The following DERA variants were observed in gnomAD, a reference collection of about 807,000 sequenced individuals.
DERA encodes deoxyribose-phosphate aldolase, also known as 2-deoxy-D-ribose 5-phosphate aldolase.
DERA carries 15 observed loss-of-function variants against 41.1 expected under a neutral mutation model. The observed-to-expected ratio is 0.37, with a 90% CI of 0.24 to 0.56. The LOEUF (loss-of-function observed/expected upper bound fraction) is 0.56. Ranked by LOEUF, DERA falls within the 20% of genes least tolerant of loss-of-function variation. The pLI is 0.81. For missense variants in DERA, 396 were observed against 403.4 expected (o/e 0.98, Z 0.16); for synonymous variants, 139 against 137.4 (o/e 1.01, Z -0.08).
chr12:16,033,129 T>G (rs1420348973), intron 7 of DERA: 1 of 153,272 alleles, frequency 6.5e-6, no homozygotes, highest in Non-Finnish European at 1.5e-5. Flanking sequence ...TGGGAAACAA[T>G]CTTTTCCTGT....
At chr12:15,923,078 A>G (rs1267829198) in intron 1 of DERA, among the ~76,000 whole-genome samples, 6 of 128,580 alleles carry the variant, frequency 4.7e-5, no homozygotes, top group African/African-American at 1.5e-4. Context: ...GCTGGAGTGC[A>G]GTGGCGCGAT....
intron 6 of DERA, among the ~76,000 whole-genome samples, chr12:15,997,717 T>C (rs1189262444): frequency 6.6e-6 from 1 of 152,196 alleles, no homozygotes; most frequent in African/African-American, 2.4e-5. Flanking sequence ...ATATGTAACG[T>C]TTAGTCTGCC....
intron 1 of DERA, among the ~76,000 whole-genome samples, chr12:15,930,008 T>C (rs2136129761): frequency 6.6e-6 from 1 of 152,270 alleles, no homozygotes; most frequent in East Asian, 1.9e-4. Context: ...TTGAGTTTTG[T>C]AAGTAAAAAA....
At position 15,999,528 on chromosome 12, in the gene DERA, T is replaced by C. The variant is rs1313932868; in HGVS notation, c.637+17092T>C. ...TTGTATAGAAGTTGTTAGGTGCAGA[T>C]ACAGAGAAAGGCATTTTGGGCTGAG... On this transcript the variant is annotated intron_variant, in intron 6 of 8. Coordinates refer to ENST00000428559, the MANE Select transcript of DERA (RefSeq NM_015954.4). The surrounding 1 kb of genome is among the most constrained non-coding windows in gnomAD (Gnocchi z 5.3). Among the ~76,000 whole-genome samples the C allele has an allele frequency of 6.6e-6, 1 of 152,172 alleles. No homozygotes were observed. The highest frequency in any genetic ancestry group is 1.5e-5 in the Non-Finnish European group (1 of 68,044).
intron 6 of DERA, among the ~76,000 whole-genome samples, chr12:16,002,076 T>C (rs920924860): frequency 7.0e-4 from 106 of 152,182 alleles, no homozygotes; most frequent in African/African-American, 2.2e-3. Context: ...GTTGGTGTGC[T>C]GCACCCATTA....
Position 15,976,863 on chromosome 12 carries a change from C to T in DERA, c.509-5445C>T, listed in dbSNP as rs1415418598. On this transcript the variant is annotated intron_variant, in intron 5 of 8. Coordinates refer to ENST00000428559, the MANE Select transcript of DERA (RefSeq NM_015954.4). The surrounding 1 kb of genome is among the most constrained non-coding windows in gnomAD (Gnocchi z 4.1). ...TTTCCCAAGTAACACCACTAATCAG[C>T]GGCCAAGCAAGGGCTGAGAAGTCCT... 6.6e-6 allele frequency among the ~76,000 whole-genome samples: 1 copy of T among 152,106 alleles called. No individual in the cohort carries two copies. Among genetic ancestry groups the T allele is most frequent in the Admixed American group, 6.5e-5 (1 of 15,270 alleles).
chr12:15,978,027 A>G (rs1237836575), intron 5 of DERA, among the ~76,000 whole-genome samples: 1 of 152,170 alleles, frequency 6.6e-6, no homozygotes, highest in East Asian at 1.9e-4. Flanking sequence ...GTCCTTTCCT[A>G]CCAACATAGG....
chr12:16,010,954 T>C lies in DERA; in HGVS notation c.638-21588T>C, dbSNP rs1410873614. The stretch of plus-strand genomic sequence containing the variant: ...AGGTATGATAATCTCAAATACGTTC[T>C]GCATTGTTTTTAAAAGCTTTGTGTT... On this transcript the variant is annotated intron_variant, in intron 6 of 8. Coordinates refer to ENST00000428559, the MANE Select transcript of DERA (RefSeq NM_015954.4). This position sits in a 1 kb window ranked among gnomAD's most constrained non-coding sequence, Gnocchi z 5.5. Among the ~76,000 whole-genome samples the C allele has an allele frequency of 2.6e-5, 4 of 152,130 alleles. No homozygotes were observed. The highest frequency in any genetic ancestry group is 4.4e-5 in the Non-Finnish European group (3 of 68,044).
rs976289334 is a variant in DERA, at chr12:16,008,745, G to A, written c.638-23797G>A. 6.6e-6 allele frequency among the ~76,000 whole-genome samples: 1 copy of A among 152,138 alleles called. No individual in the cohort carries two copies. Among genetic ancestry groups the A allele is most frequent in the African/African-American group, 2.4e-5 (1 of 41,430 alleles). ...TGGGGCCGCTCTTGGCATTTCTCTC[G>A]TGGTTACAAGATGGCTGCCACAGCT... On this transcript the variant is annotated intron_variant, in intron 6 of 8. Coordinates refer to ENST00000428559, the MANE Select transcript of DERA (RefSeq NM_015954.4). The surrounding 1 kb of genome is among the most constrained non-coding windows in gnomAD (Gnocchi z 4.8).
Position 15,938,183 on chromosome 12 carries a change from G to A in DERA, c.32-18753G>A, listed in dbSNP as rs934634111. 6.6e-6 allele frequency among the ~76,000 whole-genome samples: 1 copy of A among 152,212 alleles called. No individual in the cohort carries two copies. Among genetic ancestry groups the A allele is most frequent in the African/African-American group, 2.4e-5 (1 of 41,460 alleles). On this transcript the variant is annotated intron_variant, in intron 1 of 8. Coordinates refer to ENST00000428559, the MANE Select transcript of DERA (RefSeq NM_015954.4). The surrounding 1 kb of genome is among the most constrained non-coding windows in gnomAD (Gnocchi z 4.1). Reference sequence around the variant, plus strand: ...AAGACTTAGTGGTTGAGGAGCTGGAGAAAGTTGCTCAGAAATGACATTGAC... The same window carrying A: ...AAGACTTAGTGGTTGAGGAGCTGGAAAAAGTTGCTCAGAAATGACATTGAC...
In DERA at chr12:16,030,781, T is replaced by A. The variant is rs186603288; in HGVS notation, c.638-1761T>A. 4.4e-3 allele frequency among the ~76,000 whole-genome samples: 665 copies of A among 152,358 alleles called. 4 individuals carry two copies. The highest frequency in any genetic ancestry group is 6.3e-3 in the Non-Finnish European group (428 of 68,040). On this transcript the variant is annotated intron_variant, in intron 6 of 8. Transcript: ENST00000428559. ...AACACCTGCTCACAAAGGCAGGAAC[T>A]TTTTGTTCATTGGTTGCTCTATTCC...
chr12:15,922,743 C>A lies in DERA; in HGVS notation c.31+11329C>A, dbSNP rs1315179457. 2.0e-5 allele frequency among the ~76,000 whole-genome samples: 3 copies of A among 152,136 alleles called. No individual in the cohort carries two copies. Among genetic ancestry groups the A allele is most frequent in the Admixed American group, 2.0e-4 (3 of 15,274 alleles). ...AGGATACAGGATTGGGACCCAGGCA[C>A]TTTAGTTGTAGACCTGATAGCATCT... On this transcript the variant is annotated intron_variant, in intron 1 of 8. Coordinates refer to ENST00000428559, the MANE Select transcript of DERA (RefSeq NM_015954.4). This position sits in a 1 kb window ranked among gnomAD's most constrained non-coding sequence, Gnocchi z 4.9.
In DERA at chr12:15,962,956, A is replaced by C; in HGVS notation, c.508+9A>C. 6.2e-7 allele frequency: 1 copy of C among 1,603,972 alleles called. No homozygotes were observed. The highest frequency in any genetic ancestry group is 8.5e-7 in the Non-Finnish European group (1 of 1,175,166). On this transcript the variant is annotated intron_variant, in intron 5 of 8. Coordinates refer to ENST00000428559, the MANE Select transcript of DERA (RefSeq NM_015954.4). Reference sequence around the variant, plus strand: ...GACAGGCCAGTGGGAAGGTAGGTGCATGCTTTTACCTAAGAGAGTTTCACC... The same window carrying C: ...GACAGGCCAGTGGGAAGGTAGGTGCCTGCTTTTACCTAAGAGAGTTTCACC...
Position 15,915,094 on chromosome 12 carries a change from G to C in DERA, c.31+3680G>C, listed in dbSNP as rs1308016292. ...CTAGGCTGGGGGTACAAGATAATCA[G>C]GGATGGTCACTGCCTTCACAGAGCT... is the stretch of plus-strand genomic sequence containing the variant. On this transcript the variant is annotated intron_variant, in intron 1 of 8. Transcript: ENST00000428559. This position sits in a 1 kb window ranked among gnomAD's most constrained non-coding sequence, Gnocchi z 4.8. Among the ~76,000 whole-genome samples the C allele has an allele frequency of 6.6e-6, 1 of 152,196 alleles. No homozygotes were observed. Among genetic ancestry groups the C allele is most frequent in the Non-Finnish European group, 1.5e-5 (1 of 68,028 alleles).
At chr12:15,962,428 C>CA (rs1948593965) in intron 4 of DERA, among the ~76,000 whole-genome samples, 1 of 152,152 alleles carries the variant, frequency 6.6e-6, no homozygotes, top group Admixed American at 6.5e-5. Flanking sequence ...GATTTGGACC[C>CA]AGAACTAGTG....
Position 15,940,642 on chromosome 12 carries a change from C to T in DERA, c.32-16294C>T, listed in dbSNP as rs2136136035. On this transcript the variant is annotated intron_variant, in intron 1 of 8. Transcript: ENST00000428559. The surrounding 1 kb of genome is among the most constrained non-coding windows in gnomAD (Gnocchi z 5.1). ...CTGGGATTACAGGCGTGAGCCACCG[C>T]ATCCGGCCTGCTTTACTTCTTACAC... Among the ~76,000 whole-genome samples the T allele has an allele frequency of 6.6e-6, 1 of 152,300 alleles. No individual in the cohort carries two copies. Among genetic ancestry groups the T allele is most frequent in the South Asian group, 2.1e-4 (1 of 4,818 alleles).
Position 16,018,147 on chromosome 12 carries a change from T to A in DERA, c.638-14395T>A, listed in dbSNP as rs115388891. ...CGAAGCTTATTATACAGTAGTAGCCTTAAGATATTATTTTTTTAAATATAC... is the reference window on the plus strand; with the variant it reads ...CGAAGCTTATTATACAGTAGTAGCCATAAGATATTATTTTTTTAAATATAC... On this transcript the variant is annotated intron_variant, in intron 6 of 8. Coordinates refer to ENST00000428559, the MANE Select transcript of DERA (RefSeq NM_015954.4). Among the ~76,000 whole-genome samples, 1,228 of 152,336 alleles carry A rather than the reference T, an allele frequency of 8.1e-3. 20 individuals carry two copies. The highest frequency in any genetic ancestry group is 0.028 in the African/African-American group (1,183 of 41,592).
chr12:15,941,709 T>C lies in DERA; in HGVS notation c.32-15227T>C, dbSNP rs1177262333. Among the ~76,000 whole-genome samples, 2 of 152,226 alleles carry C rather than the reference T, an allele frequency of 1.3e-5. No individual in the cohort carries two copies. The highest frequency in any genetic ancestry group is 4.8e-5 in the African/African-American group (2 of 41,450). ...GTTGCTGCAAAAGACATTATTTCGT[T>C]TCCTTTTATGGCTCAGTACTCCATG... On this transcript the variant is annotated intron_variant, in intron 1 of 8. Transcript: ENST00000428559. This position sits in a 1 kb window ranked among gnomAD's most constrained non-coding sequence, Gnocchi z 4.5.
rs1280812406 is a variant in DERA, at chr12:16,003,455, A to G, written c.637+21019A>G. Among the ~76,000 whole-genome samples the G allele has an allele frequency of 6.6e-6, 1 of 152,150 alleles. No individual in the cohort carries two copies. The highest frequency in any genetic ancestry group is 1.5e-5 in the Non-Finnish European group (1 of 68,026). ...AAATGAGTTCAAAATGAGGAAAGCA[A>G]AACTGGAGTTCAGAGAGAATCTTTT... On this transcript the variant is annotated intron_variant, in intron 6 of 8. Coordinates refer to ENST00000428559, the MANE Select transcript of DERA (RefSeq NM_015954.4). This position sits in a 1 kb window ranked among gnomAD's most constrained non-coding sequence, Gnocchi z 4.8.
Sources: gnomAD v4.1 joint callset for allele counts (sites outside exome capture counted in the v4.1 genomes callset) on GRCh38, gnomAD v4.1.1 for gene constraint, Gnocchi (gnomAD v3.1) non-coding constraint, MANE v1.5 for transcripts, NCBI Gene and HGNC (gene_info 2026-07-23, HGNC 2026-07-21) for gene names.